Variants in EVC2 observed in about 807,000 individuals in gnomAD.
EVC2 encodes EvC ciliary complex subunit 2.
EVC2 carries 148 observed loss-of-function variants against 149.3 expected under a neutral mutation model. That is an observed-to-expected ratio of 0.99 (90% CI 0.87 to 1.14). The LOEUF (loss-of-function observed/expected upper bound fraction) is 1.14. Ranked by LOEUF, EVC2 falls within the 50% of genes most tolerant of loss-of-function variation. The pLI is 0.00. For missense variants in EVC2, 1,854 were observed against 1,627.3 expected, an observed-to-expected ratio of 1.14 and a Z score of -2.40; for synonymous variants, 776 against 649.9, an observed-to-expected ratio of 1.19 and a Z score of -2.95.
the EVC2 span, among the ~76,000 whole-genome samples, chr4:5,535,365 C>T: frequency 5.3e-5 from 8 of 152,154 alleles, no homozygotes; most frequent in Admixed American, 6.5e-5. This position sits in a 1 kb window ranked among gnomAD's most constrained non-coding sequence, Gnocchi z 4.7. Flanking sequence ...TCTGTGAGTT[C>T]GTCTGATTCG....
intron 20 of EVC2, among the ~76,000 whole-genome samples, chr4:5,566,826 A>C (rs1722318803): frequency 1.3e-5 from 2 of 152,122 alleles, no homozygotes; most frequent in South Asian, 4.1e-4. Context: ...CAGGGGTGGT[A>C]GGCAGGCAGA....
At chr4:5,592,766 G>T (rs965846107) in intron 16 of EVC2, among the ~76,000 whole-genome samples, 1 of 152,210 alleles carries the variant, frequency 6.6e-6, no homozygotes, top group African/African-American at 2.4e-5. Flanking sequence ...CACAACTTCT[G>T]TAAAAACACT....
chr4:5,604,923 G>C (rs927624555), intron 16 of EVC2, among the ~76,000 whole-genome samples: 2 of 150,938 alleles, frequency 1.3e-5, no homozygotes, highest in Middle Eastern at 3.2e-3. Context: ...TGCTACCCCC[G>C]AGACAGCAAG....
intron 16 of EVC2, among the ~76,000 whole-genome samples, chr4:5,593,777 C>T (rs1282809214): frequency 6.6e-6 from 1 of 152,150 alleles, no homozygotes; most frequent in Non-Finnish European, 1.5e-5. Context: ...CATTGCCTCA[C>T]TCGGGAAGCA....
chr4:5,664,440 G>A (rs1361258417), intron 8 of EVC2, among the ~76,000 whole-genome samples: 2 of 152,158 alleles, frequency 1.3e-5, no homozygotes, highest in Admixed American at 1.3e-4. Flanking sequence ...CTTATGATCT[G>A]CCTTAATCTC....
intron 16 of EVC2, among the ~76,000 whole-genome samples, chr4:5,591,665 C>T (rs1027275913): frequency 3.3e-5 from 5 of 152,048 alleles, no homozygotes; most frequent in African/African-American, 1.2e-4. Context: ...GAAAAAAAAA[C>T]CTTCTCCAAA....
rs191102267 is a variant in EVC2 at position 5,610,222 on chromosome 4, C to T, written c.2829+5200G>A. On this transcript the variant is annotated intron_variant, in intron 16 of 21. Transcript: ENST00000344408. The stretch of plus-strand genomic sequence containing the variant: ...TATAGGTACTCATATGTAGAACTCA[C>T]ATGTGGATGGCTCATATGTACACAC... Among the ~76,000 whole-genome samples the T allele has an allele frequency of 4.5e-3, 691 of 152,256 alleles. 4 individuals carry two copies. Among genetic ancestry groups the T allele is most frequent in the Non-Finnish European group, 6.2e-3 (419 of 68,018 alleles).
chr4:5,585,604 G>A (rs1712206977), intron 16 of EVC2, among the ~76,000 whole-genome samples: 1 of 152,068 alleles, frequency 6.6e-6, no homozygotes, highest in African/African-American at 2.4e-5. Context: ...CAGCTTAATT[G>A]AGGTATAACT....
downstream of EVC2, among the ~76,000 whole-genome samples, chr4:5,540,500 C>A (rs375192023): frequency 2.6e-5 from 4 of 152,110 alleles, no homozygotes; most frequent in South Asian, 8.3e-4. Context: ...AATAATGAAC[C>A]ATTGATACAT....
intron 9 of EVC2, among the ~76,000 whole-genome samples, chr4:5,645,392 C>T (rs1560191753): frequency 6.6e-6 from 1 of 151,980 alleles, no homozygotes; most frequent in Non-Finnish European, 1.5e-5. Context: ...GTTATTCTTC[C>T]TGATCCTCTC....
chr4:5,568,692 C>G (rs1021822503), intron 19 of EVC2, 52 bp from the exon 20 acceptor site: 3 of 1,548,312 alleles, frequency 1.9e-6, no homozygotes, highest in East Asian at 2.3e-5. Context: ...TCAACTTGAA[C>G]CATCATTTTT....
rs186058156 is a variant in EVC2, at chr4:5,615,549, A to T, written c.2707-5T>A. On this transcript the variant is annotated splice_region_variant and splice_polypyrimidine_tract_variant and intron_variant, in intron 15 of 21. Transcript: ENST00000344408. ...CTTTCTCACCTTGGACTGTTGCTGG[A>T]GAGGGGTTGGGGAAGACGTGGGTAA... 1.2e-6 allele frequency: 2 copies of T among 1,614,012 alleles called. No individual in the cohort carries two copies. Among genetic ancestry groups the T allele is most frequent in the Non-Finnish European group, 1.7e-6 (2 of 1,179,970 alleles).
intron 9 of EVC2, among the ~76,000 whole-genome samples, chr4:5,648,412 T>C (rs1717881198): frequency 6.6e-6 from 1 of 152,142 alleles, no homozygotes; most frequent in Admixed American, 6.5e-5. Context: ...CATGAGCAAA[T>C]GTTATGGCTG....
Position 5,665,517 on chromosome 4 carries a change from G to C in EVC2, c.1003C>G (p.Arg335Gly). 1 of 1,614,070 alleles carries C rather than the reference G, an allele frequency of 6.2e-7. No homozygotes were observed. Reference sequence around the variant, plus strand: ...AACCACCCTCAGGGAAGACTCACCCGATGTCTGGTGAGCATGTTTCCCTTC... The same window carrying C: ...AACCACCCTCAGGGAAGACTCACCCCATGTCTGGTGAGCATGTTTCCCTTC... ...CLKGNMLTRH[R>G]VWQYESKLEP... Residue 335 changes from arginine to glycine, a missense_variant and splice_region_variant, in exon 8 of 22, where the codon CGG (arginine) becomes GGG (glycine). Physicochemically the swap from Arg to Gly is moderately radical, Grantham distance 125 (BLOSUM62 -2). Coordinates refer to ENST00000344408, the MANE Select transcript of EVC2 (RefSeq NM_147127.5).
chr4:5,600,132 A>T (rs1713854003), intron 16 of EVC2, among the ~76,000 whole-genome samples: 3 of 152,198 alleles, frequency 2.0e-5, no homozygotes, highest in Admixed American at 6.5e-5. Flanking sequence ...TCTTACATAC[A>T]AACTTACCAC....
At chr4:5,611,103 G>A (rs1053146422) in intron 16 of EVC2, among the ~76,000 whole-genome samples, 1 of 152,112 alleles carries the variant, frequency 6.6e-6, no homozygotes, top group African/African-American at 2.4e-5. Flanking sequence ...TTCCCCATCT[G>A]CCTTGGATCC....
intron 9 of EVC2, among the ~76,000 whole-genome samples, chr4:5,650,047 A>G (rs1011424793): frequency 6.6e-6 from 1 of 152,194 alleles, no homozygotes; most frequent in Non-Finnish European, 1.5e-5. Context: ...AAGGTACAAG[A>G]GGTCAGCAGT....
Position 5,665,577 on chromosome 4 carries a change from C to T in EVC2, c.943G>A (p.Ala315Thr), listed in dbSNP as rs1393659365. The T allele has an allele frequency of 6.2e-7, 1 of 1,614,180 alleles. No individual in the cohort carries two copies. Among genetic ancestry groups the T allele is most frequent in the East Asian group, 2.2e-5 (1 of 44,882 alleles). ...TAGCGAACCATGAGGAAGAGGGCAG[C>T]CCAGGTCAGCACAAGGGAGAGGAGG... is the stretch of plus-strand genomic sequence containing the variant. The part of the protein sequence containing the change: ...AFLLSLVLTW[A>T]ALFLMVRYQC... The change falls in exon 8 of 22, where the codon GCT (alanine) becomes ACT (threonine). Residue 315 changes from alanine (A) to threonine (T), a missense_variant. Transcript: ENST00000344408.
chr4:5,706,661 G>C (rs1314431706), intron 1 of EVC2, among the ~76,000 whole-genome samples: 1 of 152,044 alleles, frequency 6.6e-6, no homozygotes, highest in Non-Finnish European at 1.5e-5. Context: ...CCCCACAAGA[G>C]GGAGTGGCCA....
Sources: allele counts gnomAD v4.1 joint callset (sites outside exome capture counted in the v4.1 genomes callset), GRCh38; gene constraint gnomAD v4.1.1; non-coding constraint Gnocchi (gnomAD v3.1); transcripts MANE v1.5; gene names NCBI Gene and HGNC (gene_info 2026-07-23, HGNC 2026-07-21).